Variants in GABRA3 observed in about 807,000 individuals in gnomAD.
The protein encoded by GABRA3 is gamma-aminobutyric acid type A receptor subunit alpha3, also known as gamma-aminobutyric acid receptor subunit alpha-3.
Under a neutral mutation model 30.1 loss-of-function variants are expected in GABRA3, and 10 were observed. That is an observed-to-expected ratio of 0.33 (90% CI 0.20 to 0.56). The LOEUF (loss-of-function observed/expected upper bound fraction) is 0.56, where lower values mean the gene tolerates loss of function less well. Among genes scored for constraint, GABRA3 ranks in the 20% least tolerant of loss-of-function variants. The pLI is 0.89. For missense variants in GABRA3, 233 were observed against 392.0 expected (o/e 0.59, Z 3.42); for synonymous variants, 151 against 146.8 (o/e 1.03, Z -0.21).
chrX:152,300,982 T>G (rs968380866), intron 3 of GABRA3, among the ~76,000 whole-genome samples: 9 of 111,787 alleles, frequency 8.1e-5, no homozygotes, highest in African/African-American at 2.9e-4. Context: ...CTCAGAAACT[T>G]CCAAAATCTG....
rs186469902 is a variant in GABRA3 at position 152,235,477 on chromosome X, T to C, written c.552-10632A>G. Among the ~76,000 whole-genome samples the C allele has an allele frequency of 1.2e-4, 13 of 111,275 alleles. No individual in the cohort carries two copies. The East Asian group carries it at 3.4e-3, about 29-fold the overall frequency. On this transcript the variant is annotated intron_variant, in intron 5 of 9. Coordinates refer to ENST00000370314, the MANE Select transcript of GABRA3 (RefSeq NM_000808.4). ...TCTGCATATCACATGATTACATATA[T>C]TGAAAATCCTAAAGACCCCAACAAA...
intron 1 of GABRA3, among the ~76,000 whole-genome samples, chrX:152,381,064 G>A (rs965042146): frequency 1.4e-4 from 16 of 111,556 alleles, no homozygotes; most frequent in African/African-American, 5.2e-4. Flanking sequence ...CCTCAGATTT[G>A]ATCTCCTTTT....
intron 5 of GABRA3, among the ~76,000 whole-genome samples, chrX:152,254,200 G>A (rs191494890): frequency 2.7e-5 from 3 of 110,510 alleles, no homozygotes; most frequent in East Asian, 5.7e-4. Context: ...TCTTTCTTTC[G>A]TCTACAATTT....
intron 1 of GABRA3, among the ~76,000 whole-genome samples, chrX:152,369,110 C>T (rs771200784): frequency 4.5e-5 from 5 of 111,344 alleles, no homozygotes; most frequent in Non-Finnish European, 9.4e-5. Context: ...TCCACATCCT[C>T]TCTAACATGA....
chrX:152,182,206 C>T (rs746728026), intron 9 of GABRA3, among the ~76,000 whole-genome samples: 1 of 107,561 alleles, frequency 9.3e-6, no homozygotes, highest in South Asian at 4.1e-4. Context: ...ACATGTTGAA[C>T]CATCCTTTCA....
At chrX:152,230,627 A>G (rs767104354) in intron 5 of GABRA3, among the ~76,000 whole-genome samples, 54 of 111,099 alleles carry the variant, frequency 4.9e-4, no homozygotes, top group African/African-American at 1.7e-3. Context: ...AGACTAATGG[A>G]AAAAAATAGA....
chrX:152,328,508 A>C (rs1054402572), intron 3 of GABRA3, among the ~76,000 whole-genome samples: 1 of 112,096 alleles, frequency 8.9e-6, no homozygotes, highest in Admixed American at 9.5e-5. Context: ...ACCACGATCA[A>C]GTTAGCTTCA....
chrX:152,371,975 T>G (rs745759932), intron 1 of GABRA3, among the ~76,000 whole-genome samples: 13 of 111,071 alleles, frequency 1.2e-4, no homozygotes, highest in African/African-American at 3.6e-4. Context: ...TGCCCTATAT[T>G]CAAACTGTCA....
intron 2 of GABRA3, among the ~76,000 whole-genome samples, chrX:152,358,067 AGTTT>A (rs150202375): frequency 0.12 from 13,334 of 111,083 alleles, 663 homozygotes; most frequent in African/African-American, 0.17. Context: ...ATTTTAAAAT[AGTTT>A]TTTTCTAGTT....
At chrX:152,198,191 G>C in intron 7 of GABRA3, among the ~76,000 whole-genome samples, 1 of 112,231 alleles carries the variant, frequency 8.9e-6, no homozygotes, top group Non-Finnish European at 1.9e-5. Context: ...TATAGCTCAA[G>C]AAACTGAGGC....
intron 1 of GABRA3, among the ~76,000 whole-genome samples, chrX:152,424,736 T>G (rs1024158515): frequency 9.1e-6 from 1 of 110,145 alleles, no homozygotes; most frequent in Non-Finnish European, 1.9e-5. Context: ...TATAATATGC[T>G]TTTGGTGTGC....
At chrX:152,419,311 A>T (rs1026558908) in intron 1 of GABRA3, among the ~76,000 whole-genome samples, 1 of 111,546 alleles carries the variant, frequency 9.0e-6, no homozygotes, top group Non-Finnish European at 1.9e-5. Context: ...AATAAAAAAT[A>T]AATGTAACAC....
intron 1 of GABRA3, among the ~76,000 whole-genome samples, chrX:152,414,375 C>T (rs1930152823): frequency 9.0e-6 from 1 of 111,334 alleles, no homozygotes; most frequent in African/African-American, 3.3e-5. Context: ...CATGCTTAGT[C>T]AAAGTGTCAT....
intron 1 of GABRA3, among the ~76,000 whole-genome samples, chrX:152,398,569 A>G (rs1223679402): frequency 1.8e-5 from 2 of 111,621 alleles, no homozygotes; most frequent in Admixed American, 1.9e-4. Flanking sequence ...AGGGTATAGA[A>G]AAAAAACTAT....
At chrX:152,209,572 T>C (rs758347888) in intron 6 of GABRA3, among the ~76,000 whole-genome samples, 1 of 111,928 alleles carries the variant, frequency 8.9e-6, no homozygotes, top group Non-Finnish European at 1.9e-5. Flanking sequence ...AGCAAATAAT[T>C]TCTGGTGAAT....
At chrX:152,225,025 C>T (rs757563568) in intron 5 of GABRA3, among the ~76,000 whole-genome samples, 180 bp from the exon 6 acceptor site, 1 of 110,557 alleles carries the variant, frequency 9.0e-6, no homozygotes, top group Non-Finnish European at 1.9e-5. Context: ...CTCAAAGAGG[C>T]ATTAAGTACT....
intron 9 of GABRA3, among the ~76,000 whole-genome samples, chrX:152,179,872 G>A (rs773823913): frequency 2.7e-5 from 3 of 111,386 alleles, no homozygotes; most frequent in Non-Finnish European, 5.6e-5. Context: ...AGGTTCATCC[G>A]TGCTTATGTA....
intron 1 of GABRA3, among the ~76,000 whole-genome samples, chrX:152,417,652 T>G (rs749385220): frequency 0.016 from 1,491 of 90,775 alleles, 39 homozygotes; most frequent in African/African-American, 0.057. Flanking sequence ...TAGACTGGAT[T>G]AAGAAAATGT....
At chrX:152,446,071 C>G (rs1401725748) in intron 1 of GABRA3, among the ~76,000 whole-genome samples, 1 of 111,754 alleles carries the variant, frequency 8.9e-6, no homozygotes. Flanking sequence ...CCCTTCCCTT[C>G]CCTTACTATT....
Sources: allele counts gnomAD v4.1 joint callset (sites outside exome capture counted in the v4.1 genomes callset), GRCh38; gene constraint gnomAD v4.1.1; transcripts MANE v1.5; gene names NCBI Gene and HGNC (gene_info 2026-07-23, HGNC 2026-07-21).